Variants in EXT1 observed in about 807,000 individuals in gnomAD.
The protein encoded by EXT1 is exostosin-1.
A neutral mutation model predicts 82.5 loss-of-function variants in EXT1; 20 were observed. The ratio of observed to expected loss-of-function variants is 0.24; its 90% CI spans 0.17 to 0.35. EXT1 has a LOEUF of 0.35. EXT1 is among the 10% of genes least tolerant of loss of function. EXT1 has a pLI of 1.00. For missense variants in EXT1, 757 were observed against 936.5 expected, an observed-to-expected ratio of 0.81 and a Z score of 2.50; for synonymous variants, 348 against 350.8, an observed-to-expected ratio of 0.99 and a Z score of 0.09.
intron 8 of EXT1, among the ~76,000 whole-genome samples, chr8:117,810,877 C>G (rs953783747): frequency 2.0e-5 from 3 of 152,174 alleles, no homozygotes; most frequent in African/African-American, 4.8e-5. Flanking sequence ...GTCAGTGTAT[C>G]TCTTCTCTGC....
At chr8:117,990,791 C>T (rs997802010) in intron 1 of EXT1, among the ~76,000 whole-genome samples, 3 of 152,260 alleles carry the variant, frequency 2.0e-5, no homozygotes, top group East Asian at 1.9e-4. Context: ...TTCTAGGCAC[C>T]GTGCATGGAG....
chr8:117,878,711 C>T (rs543600011), intron 1 of EXT1, among the ~76,000 whole-genome samples: 1 of 152,176 alleles, frequency 6.6e-6, no homozygotes, highest in South Asian at 2.1e-4. Context: ...TACCTCAATG[C>T]CCTTTCTTAT....
chr8:117,962,296 G>C (rs567508527), intron 1 of EXT1, among the ~76,000 whole-genome samples: 1 of 152,142 alleles, frequency 6.6e-6, no homozygotes, highest in Non-Finnish European at 1.5e-5. Context: ...CTTCTGTAAA[G>C]TGTGGCAAAC....
chr8:117,982,672 T>A lies in EXT1; in HGVS notation c.962+127413A>T, dbSNP rs1815234326. On this transcript the variant is annotated intron_variant, in intron 1 of 10. Transcript: ENST00000378204. ...CACCCAGTTAATTTTTTAAAAATAT[T>A]TTTGGTGGAGACGGGGTTTCACCAT... 2.0e-5 allele frequency among the ~76,000 whole-genome samples: 3 copies of A among 152,072 alleles called. No homozygotes were observed. The South Asian group carries it at 6.2e-4, about 31-fold the overall frequency.
intron 1 of EXT1, among the ~76,000 whole-genome samples, chr8:118,072,687 A>C (rs567990594): frequency 1.3e-5 from 2 of 152,342 alleles, no homozygotes; most frequent in South Asian, 2.1e-4. Flanking sequence ...TGTTCATCCA[A>C]CTTAATCATA....
intron 1 of EXT1, among the ~76,000 whole-genome samples, chr8:118,015,220 G>A (rs202020236): frequency 6.6e-6 from 1 of 152,160 alleles, no homozygotes; most frequent in Non-Finnish European, 1.5e-5. Context: ...AAGCGCTGAC[G>A]CCACATCTGC....
chr8:117,830,368 A>C lies in EXT1; in HGVS notation c.1165-19T>G. The C allele has an allele frequency of 1.9e-6, 3 of 1,613,390 alleles. No individual in the cohort carries two copies. Among genetic ancestry groups the C allele is most frequent in the Non-Finnish European group, 2.5e-6 (3 of 1,179,750 alleles). ...AAGGAATCTGTAACACAAGGTGAACACATAGGAATTATAACTGTAAAACAA... is the reference window on the plus strand; with the variant it reads ...AAGGAATCTGTAACACAAGGTGAACCCATAGGAATTATAACTGTAAAACAA... On this transcript the variant is annotated intron_variant, in intron 3 of 10. Coordinates refer to ENST00000378204, the MANE Select transcript of EXT1 (RefSeq NM_000127.3).
At chr8:118,022,862 T>G (rs1816134027) in intron 1 of EXT1, among the ~76,000 whole-genome samples, 1 of 152,154 alleles carries the variant, frequency 6.6e-6, no homozygotes, top group Non-Finnish European at 1.5e-5. Flanking sequence ...GGGAAGGCAG[T>G]AAAAATAAAA....
At chr8:117,997,030 T>C (rs1030524145) in intron 1 of EXT1, among the ~76,000 whole-genome samples, 1 of 152,106 alleles carries the variant, frequency 6.6e-6, no homozygotes, top group Admixed American at 6.6e-5. Context: ...GAGTTCCTTC[T>C]CCATGTTACA....
At chr8:117,985,633 T>C (rs1563621284) in intron 1 of EXT1, among the ~76,000 whole-genome samples, 3 of 151,654 alleles carry the variant, frequency 2.0e-5, no homozygotes, top group South Asian at 4.2e-4. Flanking sequence ...AAAAGACACA[T>C]ATTAGAGAAA....
chr8:117,891,271 T>C (rs1023543899), intron 1 of EXT1, among the ~76,000 whole-genome samples: 3 of 152,228 alleles, frequency 2.0e-5, no homozygotes, highest in Non-Finnish European at 4.4e-5. Flanking sequence ...GGAGCATTTA[T>C]GCAGGTCAGT....
intron 1 of EXT1, 76 bp from the exon 2 acceptor site, chr8:117,837,277 CATGTGCAT>C: frequency 8.2e-7 from 1 of 1,220,880 alleles, no homozygotes; most frequent in Non-Finnish European, 1.2e-6. Flanking sequence ...GGTGGGCGCC[CATGTGCAT>C]GAATTTACGC....
intron 1 of EXT1, among the ~76,000 whole-genome samples, chr8:118,086,173 A>G (rs1817414357): frequency 6.6e-6 from 1 of 152,242 alleles, no homozygotes. Context: ...TAGGAATATA[A>G]GCAAGTCTTG....
chr8:117,915,636 C>T (rs1813732997), intron 1 of EXT1, among the ~76,000 whole-genome samples: 1 of 152,172 alleles, frequency 6.6e-6, no homozygotes, highest in East Asian at 1.9e-4. Flanking sequence ...AGACAGATCA[C>T]CTGAGGTGAG....
chr8:118,092,955 T>C (rs1245533328), intron 1 of EXT1, among the ~76,000 whole-genome samples: 1 of 152,184 alleles, frequency 6.6e-6, no homozygotes, highest in Non-Finnish European at 1.5e-5. Context: ...GGCCACACCA[T>C]GCCTGGGAGT....
intron 1 of EXT1, among the ~76,000 whole-genome samples, chr8:117,908,697 T>TG (rs1284118119): frequency 1.3e-5 from 2 of 151,850 alleles, no homozygotes; most frequent in African/African-American, 4.8e-5. Context: ...CAAAACAACT[T>TG]GGAACTAGCT....
At chr8:117,936,254 C>T (rs1264082317) in intron 1 of EXT1, among the ~76,000 whole-genome samples, 1 of 151,874 alleles carries the variant, frequency 6.6e-6, no homozygotes, top group African/African-American at 2.4e-5. Flanking sequence ...TGAGCCTATT[C>T]CAACAGCCTG....
chr8:117,837,248 T>G (rs542355923), intron 1 of EXT1, 47 bp from the exon 2 acceptor site: 2 of 1,490,088 alleles, frequency 1.3e-6, no homozygotes, highest in African/African-American at 2.8e-5. Context: ...TCATTGCGAA[T>G]GTGGGGATAT....
At chr8:118,011,968 G>A (rs1815909087) in intron 1 of EXT1, among the ~76,000 whole-genome samples, 1 of 152,220 alleles carries the variant, frequency 6.6e-6, no homozygotes, top group Non-Finnish European at 1.5e-5. Flanking sequence ...CCGACCACTG[G>A]TGCAAGGAAG....
Sources: allele counts gnomAD v4.1 joint callset (sites outside exome capture counted in the v4.1 genomes callset), GRCh38; gene constraint gnomAD v4.1.1; transcripts MANE v1.5; gene names NCBI Gene and HGNC (gene_info 2026-07-23, HGNC 2026-07-21).